The following SLC8A1 variants were observed in gnomAD, a reference collection of about 807,000 sequenced individuals.
The protein encoded by SLC8A1 is sodium/calcium exchanger 1.
SLC8A1 carries 18 observed loss-of-function variants against 68.3 expected under a neutral mutation model. The observed-to-expected ratio is 0.26, with a 90% CI of 0.18 to 0.39. SLC8A1 has a LOEUF of 0.39. SLC8A1 is among the 10% of genes least tolerant of loss of function. SLC8A1 has a pLI of 1.00. For synonymous variants in SLC8A1, 475 were observed against 415.5 expected (o/e 1.14, Z -1.74); for missense variants, 985 against 1,156.7 (o/e 0.85, Z 2.15).
chr2:40,494,083 A>G (rs1410213654), intron 1 of SLC8A1, among the ~76,000 whole-genome samples: 5 of 151,884 alleles, frequency 3.3e-5, no homozygotes, highest in Admixed American at 1.3e-4. Context: ...AATCACTACA[A>G]TAAAATATTT....
intron 1 of SLC8A1, among the ~76,000 whole-genome samples, chr2:40,503,922 C>T (rs774537139): frequency 3.3e-5 from 5 of 151,876 alleles, no homozygotes; most frequent in Non-Finnish European, 7.4e-5. Flanking sequence ...ATCAAAATGC[C>T]GATGACATTC....
At position 40,204,722 on chromosome 2, in the gene SLC8A1, A is replaced by C. The variant is rs34696712; in HGVS notation, c.1809-26867T>G. On this transcript the variant is annotated intron_variant, in intron 2 of 7. Transcript: ENST00000406785. ...ATATATGCAAAAAGATAAAGGTGAA[A>C]ATTTAATAATAACTTTTATTTACTC... is the stretch of plus-strand genomic sequence containing the variant. Among the ~76,000 whole-genome samples the C allele has an allele frequency of 4.8e-3, 733 of 152,156 alleles. 3 individuals are homozygous for C. Among genetic ancestry groups the C allele is most frequent in the Non-Finnish European group, 8.5e-3 (580 of 67,960 alleles).
At chr2:40,242,321 G>C (rs1010700244) in intron 2 of SLC8A1, among the ~76,000 whole-genome samples, 1 of 152,124 alleles carries the variant, frequency 6.6e-6, no homozygotes, top group East Asian at 1.9e-4. Context: ...AAAACATAAA[G>C]ATAAAAGGTC....
Position 40,489,588 on chromosome 2 carries a change from G to A in SLC8A1, c.-25+22761C>T, listed in dbSNP as rs75301562. On this transcript the variant is annotated intron_variant, in intron 1 of 7. Coordinates refer to the SLC8A1 transcript ENST00000402441. ...GGGACTGTGACATACTATTAGAAGG[G>A]GAGTAGAGTAGAGTTTCACTTTCAC... 9.2e-3 allele frequency among the ~76,000 whole-genome samples: 1,405 copies of A among 152,186 alleles called. 11 individuals carry two copies. Among genetic ancestry groups the A allele is most frequent in the African/African-American group, 0.032 (1,341 of 41,534 alleles).
chr2:40,333,242 T>C (rs2076603560), intron 2 of SLC8A1, among the ~76,000 whole-genome samples: 2 of 151,850 alleles, frequency 1.3e-5, no homozygotes, highest in Admixed American at 1.3e-4. Flanking sequence ...ATCGAGACCA[T>C]CCTGGCTAAC....
At chr2:40,261,739 A>G (rs924156655) in intron 2 of SLC8A1, among the ~76,000 whole-genome samples, 2 of 350 alleles carry the variant, frequency 5.7e-3, no homozygotes, top group Non-Finnish European at 7.1e-3. Flanking sequence ...GGTACTGCGT[A>G]AGTGCCACAG....
At chr2:40,176,639 G>A (rs2048518731) in intron 3 of SLC8A1, among the ~76,000 whole-genome samples, 1 of 152,030 alleles carries the variant, frequency 6.6e-6, no homozygotes, top group African/African-American at 2.4e-5. Context: ...CCCACCAGCG[G>A]ACTGTGAGGC....
At chr2:40,421,496 G>C (rs1695494307) in intron 2 of SLC8A1, among the ~76,000 whole-genome samples, 1 of 152,064 alleles carries the variant, frequency 6.6e-6, no homozygotes, top group Admixed American at 6.6e-5. Context: ...GCATAGAAAA[G>C]CAAAAATAAA....
intron 2 of SLC8A1, among the ~76,000 whole-genome samples, chr2:40,407,752 T>C (rs1421806250): frequency 6.6e-6 from 1 of 152,168 alleles, no homozygotes; most frequent in Non-Finnish European, 1.5e-5. Flanking sequence ...GAATATTCAG[T>C]GAATATATTT....
upstream of SLC8A1, chr2:40,453,308 G>A (rs1702774604): frequency 6.6e-6 from 1 of 152,162 alleles, no homozygotes; most frequent in African/African-American, 2.4e-5. Context: ...TGTGTGGGGG[G>A]GTCAGGAGCA....
intron 2 of SLC8A1, among the ~76,000 whole-genome samples, chr2:40,421,876 G>C (rs753204410): frequency 4.6e-5 from 7 of 152,158 alleles, no homozygotes; most frequent in Non-Finnish European, 1.0e-4. Context: ...CAAATACATG[G>C]GTATTATGTA....
At chr2:40,193,806 C>T (rs1288245850) in intron 2 of SLC8A1, among the ~76,000 whole-genome samples, 2 of 152,094 alleles carry the variant, frequency 1.3e-5, no homozygotes. Flanking sequence ...CCTGGACTGG[C>T]AGAGCCTAAA....
intron 6 of SLC8A1, among the ~76,000 whole-genome samples, chr2:40,144,605 C>T (rs1273856175): frequency 2.5e-4 from 38 of 151,348 alleles, no homozygotes; most frequent in Non-Finnish European, 1.5e-5. Context: ...ATTGAGGTGC[C>T]ATAATTAATA....
intron 2 of SLC8A1, among the ~76,000 whole-genome samples, chr2:40,215,426 A>G (rs1484468489): frequency 2.0e-5 from 3 of 152,022 alleles, no homozygotes; most frequent in Non-Finnish European, 4.4e-5. Flanking sequence ...TCATGAGGTC[A>G]GGAGATCGAG....
intron 1 of SLC8A1, among the ~76,000 whole-genome samples, chr2:40,493,117 T>C (rs971989243): frequency 5.3e-5 from 8 of 152,080 alleles, no homozygotes; most frequent in African/African-American, 1.7e-4. Flanking sequence ...AATAATAGAC[T>C]GAATTAAGAA....
At chr2:40,290,691 G>C (rs1261312146) in intron 2 of SLC8A1, among the ~76,000 whole-genome samples, 1 of 152,140 alleles carries the variant, frequency 6.6e-6, no homozygotes, top group Non-Finnish European at 1.5e-5. Flanking sequence ...AATTTTATGT[G>C]TTAGTCAACA....
chr2:40,342,310 C>T (rs550586102), intron 2 of SLC8A1, among the ~76,000 whole-genome samples: 2 of 152,252 alleles, frequency 1.3e-5, no homozygotes, highest in African/African-American at 2.4e-5. Context: ...TACCATCTTA[C>T]TGGATCTCTA....
chr2:40,253,720 G>A (rs150446783), intron 2 of SLC8A1, among the ~76,000 whole-genome samples: 5,409 of 151,338 alleles, frequency 0.036, 105 homozygotes, highest in African/African-American at 0.051. Context: ...CCAGCTACTC[G>A]GGAGGCTGAG....
At chr2:40,271,149 C>G (rs1479605904) in intron 2 of SLC8A1, among the ~76,000 whole-genome samples, 1 of 141,050 alleles carries the variant, frequency 7.1e-6, no homozygotes, top group Non-Finnish European at 1.5e-5. Context: ...GGCTTTCTGT[C>G]ACTTAGAACA....
Sources: gnomAD v4.1 joint callset for allele counts (sites outside exome capture counted in the v4.1 genomes callset) on GRCh38, gnomAD v4.1.1 for gene constraint, MANE v1.5 for transcripts, NCBI Gene and HGNC (gene_info 2026-07-23, HGNC 2026-07-21) for gene names.